The following B3GALNT1 variants were observed in gnomAD, a reference collection of about 807,000 sequenced individuals.
The protein encoded by B3GALNT1 is UDP-GalNAc:beta-1,3-N-acetylgalactosaminyltransferase 1.
B3GALNT1 carries 17 observed loss-of-function variants against 27.3 expected under a neutral mutation model. The ratio of observed to expected loss-of-function variants is 0.62; its 90% CI spans 0.43 to 0.94. The LOEUF is 0.94. Among genes scored for constraint, B3GALNT1 ranks in the 40% least tolerant of loss-of-function variants. B3GALNT1 has a pLI of 0.00. For missense variants in B3GALNT1, 347 were observed against 390.0 expected (o/e 0.89, Z 0.93); for synonymous variants, 141 against 144.0 (o/e 0.98, Z 0.15).
chr3:161,089,222 C>T (rs1576669843), intron 4 of B3GALNT1, among the ~76,000 whole-genome samples: 1 of 152,290 alleles, frequency 6.6e-6, no homozygotes, highest in East Asian at 1.9e-4. Context: ...ATATGCAAAA[C>T]TTCTGGCCTG....
chr3:161,097,619 C>G (rs1288994193), intron 4 of B3GALNT1, among the ~76,000 whole-genome samples: 1 of 152,196 alleles, frequency 6.6e-6, no homozygotes, highest in Non-Finnish European at 1.5e-5. Context: ...ACGCACATTT[C>G]TGGGTTCCGC....
At chr3:161,093,867 T>C (rs1178827184) in intron 4 of B3GALNT1, among the ~76,000 whole-genome samples, 2 of 152,138 alleles carry the variant, frequency 1.3e-5, no homozygotes, top group Admixed American at 6.5e-5. Context: ...CTTGTGCTTA[T>C]ATTAACTACA....
At chr3:161,091,355 CAT>C (rs1725002890) in intron 4 of B3GALNT1, among the ~76,000 whole-genome samples, 2 of 152,210 alleles carry the variant, frequency 1.3e-5, no homozygotes, top group South Asian at 4.2e-4. Context: ...TTTCCTGGCC[CAT>C]AGTTTCAGTT....
rs555352597 is a variant in B3GALNT1, at chr3:161,098,134, C to T, written c.-35+3005G>A. Among the ~76,000 whole-genome samples, 25 of 152,204 alleles carry T rather than the reference C, an allele frequency of 1.6e-4. No homozygotes were observed. In the South Asian group the frequency reaches 5.2e-3, roughly 32 times the overall value. ...AGTAAGTATGTTTTATATTTCCATT[C>T]GTTTGATGACTGCCGCAATCTTATG... On this transcript the variant is annotated intron_variant, in intron 4 of 4. Transcript: ENST00000320474.
chr3:161,088,591 G>C (rs1047943095), intron 4 of B3GALNT1, among the ~76,000 whole-genome samples: 3 of 152,204 alleles, frequency 2.0e-5, no homozygotes, highest in African/African-American at 7.2e-5. Context: ...TAGTTTGAGA[G>C]CAAGAATTAT....
At chr3:161,087,812 A>T (rs932919521) in intron 4 of B3GALNT1, among the ~76,000 whole-genome samples, 1 of 152,212 alleles carries the variant, frequency 6.6e-6, no homozygotes, top group African/African-American at 2.4e-5. Flanking sequence ...TTTACTGGAC[A>T]TCTGCTTCCA....
chr3:161,088,521 C>A (rs968648639), intron 4 of B3GALNT1, among the ~76,000 whole-genome samples: 1 of 152,196 alleles, frequency 6.6e-6, no homozygotes, highest in African/African-American at 2.4e-5. Context: ...ACCTCCTATC[C>A]TCCCCTATCC....
chr3:161,095,361 T>C (rs1364472948), intron 4 of B3GALNT1, among the ~76,000 whole-genome samples: 2 of 152,130 alleles, frequency 1.3e-5, no homozygotes, highest in Admixed American at 6.6e-5. Context: ...TTCCATAAAG[T>C]ATATGAATGT....
intron 4 of B3GALNT1, among the ~76,000 whole-genome samples, chr3:161,093,584 G>A (rs1272357885): frequency 6.6e-6 from 1 of 152,144 alleles, no homozygotes; most frequent in Non-Finnish European, 1.5e-5. Context: ...TTGACGAATA[G>A]AAAACAATAT....
intron 4 of B3GALNT1, among the ~76,000 whole-genome samples, chr3:161,088,292 A>G (rs562969711): frequency 1.3e-5 from 2 of 152,288 alleles, no homozygotes; most frequent in African/African-American, 4.8e-5. Flanking sequence ...TAACCCACAC[A>G]ACGCAATGTA....
chr3:161,097,044 A>G (rs1374282900), intron 4 of B3GALNT1, among the ~76,000 whole-genome samples: 1 of 152,200 alleles, frequency 6.6e-6, no homozygotes, highest in African/African-American at 2.4e-5. Context: ...ACCACCTAGG[A>G]GTGTATTAGG....
chr3:161,100,597 A>C (rs1730724006), intron 4 of B3GALNT1, among the ~76,000 whole-genome samples: 1 of 152,194 alleles, frequency 6.6e-6, no homozygotes, highest in South Asian at 2.1e-4. Context: ...TTGTAGGCAA[A>C]ACAATCCCTG....
At position 161,085,774 on chromosome 3, in the gene B3GALNT1, G is replaced by A. The variant is rs779490003; in HGVS notation, c.981C>T (p.Thr327=). The A allele has an allele frequency of 6.2e-7, 1 of 1,613,904 alleles. No individual in the cohort carries two copies. Among genetic ancestry groups the A allele is most frequent in the Non-Finnish European group, 8.5e-7 (1 of 1,179,982 alleles). The part of the protein sequence containing the change: ...ITFWQVMLRN[T]TCHY ...GAATGTGAAGTTAATAATGGCATGT[G>A]GTGTTCCTTAGCATGACCTGCCAAA... is the stretch of plus-strand genomic sequence containing the variant. Residue 327 remains threonine (T), a synonymous_variant, in exon 5 of 5, where the codon ACC becomes ACT. Coordinates refer to ENST00000320474, the MANE Select transcript of B3GALNT1 (RefSeq NM_003781.4).
chr3:161,093,126 C>T (rs771184096), intron 4 of B3GALNT1, among the ~76,000 whole-genome samples: 2 of 152,070 alleles, frequency 1.3e-5, no homozygotes, highest in Non-Finnish European at 2.9e-5. Flanking sequence ...ATGGAAAGAA[C>T]TTGGATTAAC....
rs1426357578 is a variant in B3GALNT1 at position 161,085,247 on chromosome 3, GCAA to G, written c.*509_*511del. ...TAAATAATAATAACTGTGAAATACT[GCAA>G]CATCTTGAAGTACTTTATAAATGAC... On this transcript the variant is annotated 3_prime_UTR_variant, in exon 5 of 5. Coordinates refer to ENST00000320474, the MANE Select transcript of B3GALNT1 (RefSeq NM_003781.4). 2 of 152,614 alleles carry G rather than the reference GCAA, an allele frequency of 1.3e-5. No homozygotes were observed. The highest frequency in any genetic ancestry group is 4.8e-5 in the African/African-American group (2 of 41,426). 9.5% of individuals were successfully genotyped at this position (152,614 alleles called of 1,614,324 possible). A position where few individuals can be genotyped will look rare whatever the true frequency, so the allele number is the denominator to read the frequency against.
chr3:161,098,556 C>T (rs756790742), intron 4 of B3GALNT1, among the ~76,000 whole-genome samples: 4 of 152,110 alleles, frequency 2.6e-5, no homozygotes, highest in Non-Finnish European at 5.9e-5. Flanking sequence ...CTACTAAAAA[C>T]ACAAAAATTA....
chr3:161,086,204 A>T lies in B3GALNT1; in HGVS notation c.551T>A (p.Phe184Tyr), dbSNP rs1277524124. The T allele has an allele frequency of 2.5e-6, 4 of 1,614,022 alleles. No homozygotes were observed. The highest frequency in any genetic ancestry group is 3.4e-6 in the Non-Finnish European group (4 of 1,180,002). ...CTTCACTAAATTGCCAGTATTGATG[A>T]AAACATCAGTGTCTGTCTTCATTAC... Reference protein sequence around the residue: ...KYVMKTDTDVFINTGNLVKYL... With the variant: ...KYVMKTDTDVYINTGNLVKYL... The change falls in exon 5 of 5, where the codon TTC becomes TAC. Residue 184 changes from phenylalanine (F) to tyrosine (Y), a missense_variant. By Grantham distance (22) the Phe-to-Tyr change is conservative. Transcript: ENST00000320474.
chr3:161,103,394 G>C (rs1463797418), intron 3 of B3GALNT1, 33 bp downstream of exon 3: 3 of 1,052,056 alleles, frequency 2.9e-6, no homozygotes, highest in African/African-American at 1.7e-5. Context: ...AACCAATTAG[G>C]ATAATTTATA....
intron 3 of B3GALNT1, among the ~76,000 whole-genome samples, chr3:161,102,117 T>G (rs1731645210): frequency 6.6e-6 from 1 of 152,206 alleles, no homozygotes; most frequent in Non-Finnish European, 1.5e-5. Flanking sequence ...CTAGGGTCTG[T>G]CTCAGCTACT....
Sources: allele counts gnomAD v4.1 joint callset (sites outside exome capture counted in the v4.1 genomes callset), GRCh38; gene constraint gnomAD v4.1.1; transcripts MANE v1.5; gene names NCBI Gene and HGNC (gene_info 2026-07-23, HGNC 2026-07-21).